The following SYT9 variants were observed in gnomAD, a reference collection of about 807,000 sequenced individuals.
The protein encoded by SYT9 is synaptotagmin-9.
In SYT9, 22 loss-of-function variants were observed where a neutral mutation model predicts 48.4. That is an observed-to-expected ratio of 0.45 (90% confidence interval 0.32 to 0.65). The LOEUF is 0.65. Ranked by LOEUF, SYT9 falls within the 30% of genes least tolerant of loss-of-function variation. The pLI is 0.03. For missense variants in SYT9, 577 were observed against 622.0 expected, an observed-to-expected ratio of 0.93 and a Z score of 0.77; for synonymous variants, 265 against 245.0, an observed-to-expected ratio of 1.08 and a Z score of -0.76.
chr11:7,245,119 A>T (rs911294045), intron 1 of SYT9, among the ~76,000 whole-genome samples: 1 of 152,204 alleles, frequency 6.6e-6, no homozygotes, highest in African/African-American at 2.4e-5. Flanking sequence ...TGGAAAACAC[A>T]GGCTCTGGAG....
intron 6 of SYT9, among the ~76,000 whole-genome samples, chr11:7,449,316 C>G (rs573064944): frequency 8.3e-6 from 1 of 121,190 alleles, no homozygotes; most frequent in Admixed American, 8.4e-5. Context: ...GAGTGAGACT[C>G]CACCTCAAAA....
At chr11:7,416,379 C>T (rs1436405183) in intron 4 of SYT9, among the ~76,000 whole-genome samples, 1 of 152,122 alleles carries the variant, frequency 6.6e-6, no homozygotes, top group Non-Finnish European at 1.5e-5. Flanking sequence ...GTCTGGCTCA[C>T]CGGGCTGTTG....
intron 3 of SYT9, among the ~76,000 whole-genome samples, chr11:7,374,568 C>T (rs1850420190): frequency 1.3e-5 from 2 of 152,220 alleles, no homozygotes; most frequent in African/African-American, 4.8e-5. Flanking sequence ...TCTCCACATC[C>T]TCTCCACCAT....
Position 7,464,888 on chromosome 11 carries a change from A to C in SYT9, c.1468-1904A>C, listed in dbSNP as rs71472652. On this transcript the variant is annotated intron_variant, in intron 6 of 6. Coordinates refer to ENST00000318881, the MANE Select transcript of SYT9 (RefSeq NM_175733.4). ...ACGAGGTCAGGAGATCAAGACCATC[A>C]TGGCTAACACAGTGAAACCCCGTCT... Among the ~76,000 whole-genome samples, 803 of 151,926 alleles carry C rather than the reference A, an allele frequency of 5.3e-3. 5 individuals carry two copies. Among genetic ancestry groups the C allele is most frequent in the Non-Finnish European group, 9.4e-3 (641 of 67,938 alleles).
chr11:7,435,165 G>C (rs941642814), intron 6 of SYT9: 2 of 152,312 alleles, frequency 1.3e-5, no homozygotes, highest in Non-Finnish European at 2.9e-5. Context: ...ATCTGCTCCA[G>C]CACCAGCCCT....
chr11:7,269,930 G>A (rs544454155), intron 1 of SYT9, among the ~76,000 whole-genome samples: 1 of 152,110 alleles, frequency 6.6e-6, no homozygotes, highest in Non-Finnish European at 1.5e-5. Context: ...AACCATAAAA[G>A]ACAAGGTTGA....
At chr11:7,448,587 C>T (rs1032788400) in intron 6 of SYT9, among the ~76,000 whole-genome samples, 3 of 152,218 alleles carry the variant, frequency 2.0e-5, no homozygotes, top group South Asian at 2.1e-4. Flanking sequence ...CGTCAATCTA[C>T]GCTGAAAATG....
chr11:7,452,908 G>A (rs1032444384), intron 6 of SYT9, among the ~76,000 whole-genome samples: 2 of 151,952 alleles, frequency 1.3e-5, no homozygotes, highest in African/African-American at 2.4e-5. Flanking sequence ...TCAGCCTCCC[G>A]AGTAGCTGGG....
At position 7,468,243 on chromosome 11, in the gene SYT9, G is replaced by A. The variant is rs1379949276; in HGVS notation, c.*1443G>A. ...TTAACATTTCAGCATGGAACTAACT[G>A]GGCGGAGGAAGGATCGTTATACGTC... On this transcript the variant is annotated 3_prime_UTR_variant, in exon 7 of 7. Transcript: ENST00000318881. The A allele has an allele frequency of 2.5e-6, 1 of 398,506 alleles. No individual in the cohort carries two copies. Among genetic ancestry groups the A allele is most frequent in the East Asian group, 3.6e-5 (1 of 28,092 alleles). 24.7% of individuals were successfully genotyped at this position (398,506 alleles called of 1,614,324 possible). A position where few individuals can be genotyped will look rare whatever the true frequency, so the allele number is the denominator to read the frequency against.
chr11:7,426,614 G>GC (rs1192837395), intron 6 of SYT9, among the ~76,000 whole-genome samples: 3 of 152,000 alleles, frequency 2.0e-5, no homozygotes, highest in Non-Finnish European at 4.4e-5. Flanking sequence ...GCCTGTGTTG[G>GC]CCCAGGGGTC....
intron 3 of SYT9, among the ~76,000 whole-genome samples, chr11:7,345,324 C>G (rs1412184479): frequency 6.6e-6 from 1 of 152,182 alleles, no homozygotes; most frequent in Non-Finnish European, 1.5e-5. Flanking sequence ...TAGTTCTTGC[C>G]TCATTTGTTT....
chr11:7,303,374 C>A lies in SYT9; in HGVS notation c.481C>A (p.Pro161Thr). The A allele has an allele frequency of 6.2e-7, 1 of 1,608,496 alleles. No homozygotes were observed. Among genetic ancestry groups the A allele is most frequent in the Non-Finnish European group, 8.5e-7 (1 of 1,178,168 alleles). The part of the protein sequence containing the change: ...GVRVQRQVTE[P>T]TSSARHNSIR... ...CCGCGTGCAGCGCCAAGTCACAGAGCCAACCTCGTCGGCCCGGTCAGTAAT... is the reference window on the plus strand; with the variant it reads ...CCGCGTGCAGCGCCAAGTCACAGAGACAACCTCGTCGGCCCGGTCAGTAAT... The change falls in exon 2 of 7, where the codon CCA becomes ACA. Residue 161 changes from proline to threonine, a missense_variant. By Grantham distance (38) the Pro-to-Thr change is conservative. Transcript: ENST00000318881.
intron 4 of SYT9, 119 bp downstream of exon 4, chr11:7,416,281 C>A: frequency 8.4e-7 from 1 of 1,194,236 alleles, no homozygotes; most frequent in Non-Finnish European, 1.2e-6. Flanking sequence ...AGGCTTAGCC[C>A]TAGTCCTAAC....
chr11:7,435,135 A>T (rs1209452721), intron 6 of SYT9: 1 of 152,288 alleles, frequency 6.6e-6, no homozygotes, highest in African/African-American at 2.4e-5. Flanking sequence ...CAGAATCTAA[A>T]CCATCACTCA....
intron 5 of SYT9, among the ~76,000 whole-genome samples, chr11:7,419,162 C>T (rs191391069): frequency 6.6e-6 from 1 of 152,346 alleles, no homozygotes; most frequent in African/African-American, 2.4e-5. Context: ...AGTGTCAGGC[C>T]CCAGTAGGGG....
chr11:7,363,247 G>A (rs1850180240), intron 3 of SYT9, among the ~76,000 whole-genome samples: 1 of 152,002 alleles, frequency 6.6e-6, no homozygotes, highest in Non-Finnish European at 1.5e-5. Context: ...AGAGAAGTTA[G>A]TGGGAAAACA....
intron 6 of SYT9, among the ~76,000 whole-genome samples, chr11:7,432,632 T>A (rs368462434): frequency 4.9e-5 from 2 of 40,936 alleles, no homozygotes; most frequent in Admixed American, 2.8e-4. Context: ...TATATATATA[T>A]ATATATTTAA....
At chr11:7,366,517 C>T (rs1424234411) in intron 3 of SYT9, among the ~76,000 whole-genome samples, 2 of 152,184 alleles carry the variant, frequency 1.3e-5, no homozygotes, top group Non-Finnish European at 2.9e-5. Flanking sequence ...CTATTATAGA[C>T]ATCCATATTA....
chr11:7,288,726 G>T (rs979467106), intron 1 of SYT9, among the ~76,000 whole-genome samples: 1 of 152,208 alleles, frequency 6.6e-6, no homozygotes, highest in African/African-American at 2.4e-5. Flanking sequence ...TGCTGCTCCT[G>T]TTTTCTTTGC....
Sources: gnomAD v4.1 joint callset for allele counts (sites outside exome capture counted in the v4.1 genomes callset) on GRCh38, gnomAD v4.1.1 for gene constraint, MANE v1.5 for transcripts, NCBI Gene and HGNC (gene_info 2026-07-23, HGNC 2026-07-21) for gene names.